Variants in CTBS observed in about 807,000 individuals in gnomAD.
CTBS encodes the protein di-N-acetylchitobiase.
A neutral mutation model predicts 44.3 loss-of-function variants in CTBS; 35 were observed. The observed-to-expected ratio is 0.79, with a 90% confidence interval of 0.60 to 1.05. The LOEUF is 1.05. CTBS is among the 50% of genes least tolerant of loss of function. The pLI, the probability that CTBS is intolerant of heterozygous loss-of-function variation, is 0.00. For synonymous variants in CTBS, 143 were observed against 168.0 expected (o/e 0.85, Z 1.15); for missense variants, 458 against 475.3 (o/e 0.96, Z 0.34).
At chr1:84,570,513 T>A (rs890603815) in intron 2 of CTBS, 69 bp downstream of exon 2, 2 of 1,404,348 alleles carry the variant, frequency 1.4e-6, no homozygotes, top group Non-Finnish European at 9.7e-7. Flanking sequence ...TTTTGGAAAG[T>A]CGGGACTATA....
In CTBS at chr1:84,558,583, G is replaced by A. The variant is rs965805753; in HGVS notation, c.958-3384C>T. On this transcript the variant is annotated intron_variant, in intron 6 of 6. Coordinates refer to ENST00000370630, the MANE Select transcript of CTBS (RefSeq NM_004388.3). ...TGGGATTACAGGCGTGAGCCACCGCGCCCGGCCACTTTTTTTTAATTAAAA... is the reference window on the plus strand; with the variant it reads ...TGGGATTACAGGCGTGAGCCACCGCACCCGGCCACTTTTTTTTAATTAAAA... Among the ~76,000 whole-genome samples the A allele has an allele frequency of 2.4e-4, 36 of 148,360 alleles. 1 individual carries two copies. In the East Asian group the frequency reaches 5.2e-3, roughly 21 times the overall value.
rs1035401816 is a variant in CTBS at position 84,549,624 on chromosome 1, G to A, written c.*5375C>T. 4 of 151,880 alleles carry A rather than the reference G, an allele frequency of 2.6e-5. No homozygotes were observed. Among genetic ancestry groups the A allele is most frequent in the Non-Finnish European group, 4.4e-5 (3 of 67,940 alleles). 9.4% of individuals were successfully genotyped at this position (151,880 alleles called of 1,614,324 possible). A position where few individuals can be genotyped will look rare whatever the true frequency, so the allele number is the denominator to read the frequency against. ...GACAGCCTTGAATCAGAGACATGAA[G>A]TTTATTTTATTATTAATTCCACCAT... On this transcript the variant is annotated 3_prime_UTR_variant, in exon 7 of 7. Coordinates refer to ENST00000370630, the MANE Select transcript of CTBS (RefSeq NM_004388.3).
At chr1:84,560,921 T>A (rs1456944531) in intron 6 of CTBS, among the ~76,000 whole-genome samples, 3 of 152,204 alleles carry the variant, frequency 2.0e-5, no homozygotes, top group African/African-American at 7.2e-5. Flanking sequence ...TCATTGACAA[T>A]GCACTTGGTC....
intron 6 of CTBS, among the ~76,000 whole-genome samples, chr1:84,558,581 G>C (rs1018555804): frequency 6.8e-6 from 1 of 147,790 alleles, no homozygotes; most frequent in African/African-American, 2.5e-5. Context: ...GTGAGCCACC[G>C]CGCCCGGCCA....
Position 84,551,261 on chromosome 1 carries a change from A to G in CTBS, c.*3738T>C. The G allele has an allele frequency of 1.0e-6, 1 of 984,590 alleles. No individual in the cohort carries two copies. Among genetic ancestry groups the G allele is most frequent in the Non-Finnish European group, 1.2e-6 (1 of 829,156 alleles). 61.0% of individuals were successfully genotyped at this position (984,590 alleles called of 1,614,324 possible). On this transcript the variant is annotated 3_prime_UTR_variant, in exon 7 of 7. Coordinates refer to ENST00000370630, the MANE Select transcript of CTBS (RefSeq NM_004388.3). ...GAATGCTCTCATTTCTTTATCAGAA[A>G]CAGCTTTATGACACAGAATAATGAC...
Position 84,554,952 on chromosome 1 carries a change from T to C in CTBS, c.*47A>G. ...ATAAAAATGCAAGAAACTAGATCTG[T>C]TGATACAGATCATCTTTCTAACTCT... On this transcript the variant is annotated 3_prime_UTR_variant, in exon 7 of 7. Transcript: ENST00000370630. The C allele has an allele frequency of 1.3e-6, 2 of 1,491,368 alleles. No homozygotes were observed. Among genetic ancestry groups the C allele is most frequent in the Non-Finnish European group, 1.9e-6 (2 of 1,074,470 alleles). 92.4% of individuals were successfully genotyped at this position (1,491,368 alleles called of 1,614,324 possible).
At position 84,574,336 on chromosome 1, in the gene CTBS, A is replaced by T; in HGVS notation, c.80T>A (p.Leu27Gln). ...SGVPGLALLA[L>Q]LALLALRLAA... is the part of the protein sequence containing the mutation. ...GAGCCGCAGCGCCAGCAGCGCCAGCAGCGCCAGCAGCGCTAGACCCGGGAC... is the reference window on the plus strand; with the variant it reads ...GAGCCGCAGCGCCAGCAGCGCCAGCTGCGCCAGCAGCGCTAGACCCGGGAC... The change falls in exon 1 of 7, where the codon CTG becomes CAG. Residue 27 changes from leucine (L) to glutamine (Q), a missense_variant. By Grantham distance (113) the Leu-to-Gln change is moderately radical. Coordinates refer to ENST00000370630, the MANE Select transcript of CTBS (RefSeq NM_004388.3). 6.4e-7 allele frequency: 1 copy of T among 1,572,428 alleles called. No homozygotes were observed. The highest frequency in any genetic ancestry group is 8.6e-7 in the Non-Finnish European group (1 of 1,159,672).
Position 84,563,428 on chromosome 1 carries a change from C to A in CTBS, c.796-10G>T. 6.8e-7 allele frequency: 1 copy of A among 1,478,712 alleles called. No homozygotes were observed. The highest frequency in any genetic ancestry group is 9.0e-7 in the Non-Finnish European group (1 of 1,115,922). 91.6% of individuals were successfully genotyped at this position (1,478,712 alleles called of 1,614,324 possible). A position where few individuals can be genotyped will look rare whatever the true frequency, so the allele number is the denominator to read the frequency against. On this transcript the variant is annotated splice_polypyrimidine_tract_variant and intron_variant, in intron 5 of 6. Coordinates refer to ENST00000370630, the MANE Select transcript of CTBS (RefSeq NM_004388.3). The stretch of plus-strand genomic sequence containing the variant: ...TGGTACAAACATGATCCTAGAAATG[C>A]AAAAGTGCTCATGTTATATATTATC...
Position 84,570,720 on chromosome 1 carries a change from C to T in CTBS, c.178G>A (p.Val60Ile). 6.2e-7 allele frequency: 1 copy of T among 1,611,720 alleles called. No homozygotes were observed. Among genetic ancestry groups the T allele is most frequent in the Non-Finnish European group, 8.5e-7 (1 of 1,178,920 alleles). Reference sequence around the variant, plus strand: ...TTCTGTCCAACATCAAACACAAAGACCTGCCAGAACAAAGATGAGCACCAT... The same window carrying T: ...TTCTGTCCAACATCAAACACAAAGATCTGCCAGAACAAAGATGAGCACCAT... ...RPIRHHPDFE[V>I]FVFDVGQKTW... Residue 60 changes from valine to isoleucine, a missense_variant and splice_region_variant, in exon 2 of 7, where the codon GTC becomes ATC. Val to Ile is a conservative substitution (Grantham distance 29). Transcript: ENST00000370630.
At position 84,559,178 on chromosome 1, in the gene CTBS, G is replaced by A. The variant is rs559474949; in HGVS notation, c.958-3979C>T. Among the ~76,000 whole-genome samples the A allele has an allele frequency of 6.0e-4, 92 of 152,178 alleles. 1 individual carries two copies. The South Asian group carries it at 0.018, about 30-fold the overall frequency. ...TTTTCCAACAGCAAGTGCTCATTTT[G>A]TGTCTGTGTCACATTTTGGCAATTC... On this transcript the variant is annotated intron_variant, in intron 6 of 6. Coordinates refer to ENST00000370630, the MANE Select transcript of CTBS (RefSeq NM_004388.3).
At chr1:84,565,268 A>G (rs1404159973) in intron 4 of CTBS, among the ~76,000 whole-genome samples, 2 of 152,180 alleles carry the variant, frequency 1.3e-5, no homozygotes, top group Non-Finnish European at 2.9e-5. Flanking sequence ...ATGGAATACA[A>G]ACCAATCCAA....
Position 84,555,179 on chromosome 1 carries a change from A to G in CTBS, c.978T>C (p.His326=). The change falls in exon 7 of 7, where the codon CAT becomes CAC. Residue 326 remains histidine, a synonymous_variant. Transcript: ENST00000370630. The part of the protein sequence containing the change: ...YNYKDPAGHF[H]QVWYDNPQSI... The stretch of plus-strand genomic sequence containing the variant: ...TCTGAGGGTTATCATACCATACTTG[A>G]TGAAAGTGGCCAGCAGGATCCTATA... 1 of 1,613,562 alleles carries G rather than the reference A, an allele frequency of 6.2e-7. No homozygotes were observed.
chr1:84,570,845 A>G, intron 1 of CTBS, 125 bp from the exon 2 acceptor site: 1 of 851,088 alleles, frequency 1.2e-6, no homozygotes, highest in Non-Finnish European at 1.8e-6. Flanking sequence ...CAAGTGCATA[A>G]GACATAGGGG....
At chr1:84,565,213 A>T (rs777363314) in intron 4 of CTBS, among the ~76,000 whole-genome samples, 14 of 147,148 alleles carry the variant, frequency 9.5e-5, no homozygotes, top group East Asian at 3.9e-4. Context: ...AATAAAAATT[A>T]AAAAAAAAAA....
Position 84,549,769 on chromosome 1 carries a change from T to C in CTBS, c.*5230A>G, listed in dbSNP as rs1239826006. 6.6e-6 allele frequency: 1 copy of C among 152,062 alleles called. No homozygotes were observed. Among genetic ancestry groups the C allele is most frequent in the Non-Finnish European group, 1.5e-5 (1 of 67,970 alleles). The allele number at this position is 152,062 out of a possible 1,614,324, so 9.4% of individuals were successfully genotyped here. On this transcript the variant is annotated 3_prime_UTR_variant, in exon 7 of 7. Transcript: ENST00000370630. The stretch of plus-strand genomic sequence containing the variant: ...TGTTAACTATGATTAAAAGTAAGGA[T>C]TTAACTTTAGACAAGATGAAATATT...
At position 84,552,055 on chromosome 1, in the gene CTBS, T is replaced by C. The variant is rs568481861; in HGVS notation, c.*2944A>G. 3.3e-5 allele frequency: 5 copies of C among 152,250 alleles called. No homozygotes were observed. In the East Asian group the frequency reaches 5.8e-4, roughly 18 times the overall value. 9.4% of individuals were successfully genotyped at this position (152,250 alleles called of 1,614,324 possible). ...AAAAGAGAACAAAGTTTTCAGCTTATAGGCTGGGGGGAAAAAATCCTGTAT... is the reference window on the plus strand; with the variant it reads ...AAAAGAGAACAAAGTTTTCAGCTTACAGGCTGGGGGGAAAAAATCCTGTAT... On this transcript the variant is annotated 3_prime_UTR_variant, in exon 7 of 7. Transcript: ENST00000370630.
Position 84,563,360 on chromosome 1 carries a change from G to T in CTBS, c.854C>A (p.Ala285Glu), listed in dbSNP as rs759361175. 4 of 1,594,900 alleles carry T rather than the reference G, an allele frequency of 2.5e-6. No homozygotes were observed. Among genetic ancestry groups the T allele is most frequent in the African/African-American group, 1.4e-5 (1 of 73,708 alleles). Reference sequence around the variant, plus strand: ...CGTTTTGTAGGGCACCTGACGTCCTGCAGCGTCACTACAAGGAGCCCCCCG... The same window carrying T: ...CGTTTTGTAGGGCACCTGACGTCCTTCAGCGTCACTACAAGGAGCCCCCCG... ...PFRGAPCSDA[A>E]GRQVPYKTIM... Residue 285 changes from alanine (A) to glutamate (E), a missense_variant, in exon 6 of 7, where the codon GCA becomes GAA. Ala to Glu is a moderately radical substitution (Grantham distance 107, BLOSUM62 -1). Transcript: ENST00000370630.
At position 84,554,368 on chromosome 1, in the gene CTBS, C is replaced by A. The variant is rs1684364645; in HGVS notation, c.*631G>T. 1 of 152,130 alleles carries A rather than the reference C, an allele frequency of 6.6e-6. No homozygotes were observed. Among genetic ancestry groups the A allele is most frequent in the South Asian group, 2.1e-4 (1 of 4,836 alleles). The allele number at this position is 152,130 out of a possible 1,614,324, so 9.4% of individuals were successfully genotyped here. Reference sequence around the variant, plus strand: ...TTACCAATTCAAAATATTACTGTTACATTCTTCTATTTTGTGAATACATTT... The same window carrying A: ...TTACCAATTCAAAATATTACTGTTAAATTCTTCTATTTTGTGAATACATTT... On this transcript the variant is annotated 3_prime_UTR_variant, in exon 7 of 7. Transcript: ENST00000370630.
intron 1 of CTBS, 42 bp downstream of exon 1, chr1:84,574,197 G>C: frequency 6.3e-7 from 1 of 1,587,628 alleles, no homozygotes; most frequent in Admixed American, 1.8e-5. Flanking sequence ...TTCTCTTCGT[G>C]CCCTGAAGCC....
Sources: gnomAD v4.1 joint callset for allele counts (sites outside exome capture counted in the v4.1 genomes callset) on GRCh38, gnomAD v4.1.1 for gene constraint, MANE v1.5 for transcripts, NCBI Gene and HGNC (gene_info 2026-07-23, HGNC 2026-07-21) for gene names.